NHSL1: variants seen among roughly 807,000 people sequenced by gnomAD.
NHSL1 encodes the protein NHS-like protein 1.
In NHSL1, 48 loss-of-function variants were observed where a neutral mutation model predicts 95.0. The observed-to-expected ratio is 0.51, with a 90% CI of 0.40 to 0.64. The LOEUF (loss-of-function observed/expected upper bound fraction) is 0.64, where lower values mean the gene tolerates loss of function less well. Among genes scored for constraint, NHSL1 ranks in the 30% least tolerant of loss-of-function variants. NHSL1 has a pLI of 0.00. For synonymous variants in NHSL1, 783 were observed against 833.9 expected (o/e 0.94, Z 1.05); for missense variants, 1,971 against 2,077.7 (o/e 0.95, Z 1.00).
chr6:138,564,223 T>C (rs1450746613), intron 1 of NHSL1, among the ~76,000 whole-genome samples: 1 of 152,222 alleles, frequency 6.6e-6, no homozygotes. Flanking sequence ...GGAATAAGCA[T>C]ACAGTGCTAC....
chr6:138,564,067 AT>A (rs149735280), intron 1 of NHSL1, among the ~76,000 whole-genome samples: 6 of 150,594 alleles, frequency 4.0e-5, no homozygotes, highest in South Asian at 2.1e-4. Context: ...CCCTGATCAA[AT>A]TTTTTTTTTA....
At chr6:138,691,123 G>A (rs966954593) in intron 1 of NHSL1, among the ~76,000 whole-genome samples, 2 of 152,152 alleles carry the variant, frequency 1.3e-5, no homozygotes, top group African/African-American at 4.8e-5. Context: ...CATCCTACTA[G>A]GACAGTGTAT....
At chr6:138,520,383 G>A (rs1781630005) in intron 1 of NHSL1, among the ~76,000 whole-genome samples, 2 of 148,640 alleles carry the variant, frequency 1.3e-5, no homozygotes, top group African/African-American at 2.5e-5. Flanking sequence ...CTGCCTCCCG[G>A]GTTCAAGCAA....
At position 138,424,787 on chromosome 6, in the gene NHSL1, T is replaced by C. The variant is rs1171432632; in HGVS notation, c.4115A>G (p.Asp1372Gly). 5.2e-6 allele frequency: 8 copies of C among 1,551,158 alleles called. No individual in the cohort carries two copies. Among genetic ancestry groups the C allele is most frequent in the Non-Finnish European group, 6.1e-6 (7 of 1,146,782 alleles). The change falls in exon 8 of 8, where the codon GAT (aspartate) becomes GGT (glycine). Residue 1372 changes from aspartate (D) to glycine (G), a missense_variant. Physicochemically the swap from Asp to Gly is moderately conservative, Grantham distance 94. Coordinates refer to ENST00000343505, the MANE Select transcript of NHSL1 (RefSeq NM_001144060.2). This position sits in a 1 kb window ranked among gnomAD's most constrained non-coding sequence, Gnocchi z 5.9. ...GTTTCGGGAGTGGTCATCATCTGAA[T>C]CTCTACGGCCGAGGACTTTCCTTTT... ...RSKRKVLGRR[D>G]SDDDHSRNHS...
At chr6:138,618,852 C>T (rs1232283579) in intron 1 of NHSL1, among the ~76,000 whole-genome samples, 1 of 152,152 alleles carries the variant, frequency 6.6e-6, no homozygotes, top group South Asian at 2.1e-4. Context: ...TCACATTTGG[C>T]ATTTAAAATA....
chr6:138,679,251 G>A (rs1036810945), intron 1 of NHSL1, among the ~76,000 whole-genome samples: 7 of 152,110 alleles, frequency 4.6e-5, no homozygotes, highest in Non-Finnish European at 8.8e-5. Context: ...TTTTGGTGAA[G>A]GGGAAAGGGA....
rs905182354 is a variant in NHSL1, at chr6:138,491,589, T to C, written c.211+4630A>G. On this transcript the variant is annotated intron_variant, in intron 2 of 7. Transcript: ENST00000343505. ...TGAAGGATTCAAACAATGATGGATG[T>C]AAAAAGGGTAGACTTCTTCTGGAAA... 4.6e-5 allele frequency among the ~76,000 whole-genome samples: 7 copies of C among 152,278 alleles called. No individual in the cohort carries two copies. The Middle Eastern group carries it at 0.01, about 222-fold the overall frequency.
chr6:138,569,711 T>C (rs2114418633), intron 1 of NHSL1, among the ~76,000 whole-genome samples: 1 of 152,360 alleles, frequency 6.6e-6, no homozygotes, highest in African/African-American at 2.4e-5. Flanking sequence ...AAAGATCAAC[T>C]GTTATAACAT....
intron 1 of NHSL1, among the ~76,000 whole-genome samples, chr6:138,623,463 T>C (rs1194147140): frequency 2.0e-5 from 3 of 152,226 alleles, no homozygotes; most frequent in African/African-American, 7.2e-5. Flanking sequence ...TATATGTATA[T>C]ATTATAGAAT....
At chr6:138,487,456 C>T (rs1779796713) in intron 2 of NHSL1, among the ~76,000 whole-genome samples, 1 of 152,206 alleles carries the variant, frequency 6.6e-6, no homozygotes, top group Admixed American at 6.5e-5. Flanking sequence ...CTATAATATC[C>T]AGCCCAGTGC....
chr6:138,463,557 G>A (rs1778138957), intron 3 of NHSL1, among the ~76,000 whole-genome samples: 1 of 149,748 alleles, frequency 6.7e-6, no homozygotes, highest in Admixed American at 6.7e-5. Context: ...TAAGTTCTGG[G>A]ATACATGAGC....
chr6:138,571,919 T>C (rs1783854725), exon 1 of NHSL1: 2 of 1,550,866 alleles, frequency 1.3e-6, no homozygotes, highest in Non-Finnish European at 8.7e-7. Context: ...CATCTTCTTT[T>C]CAAAATCAAC....
chr6:138,573,012 T>C (rs1366143260), upstream of NHSL1, among the ~76,000 whole-genome samples: 1 of 152,216 alleles, frequency 6.6e-6, no homozygotes, highest in Non-Finnish European at 1.5e-5. Context: ...GCAGCCATCA[T>C]TGTACCTGTT....
intron 2 of NHSL1, among the ~76,000 whole-genome samples, chr6:138,480,864 CTT>C (rs1779377335): frequency 6.6e-6 from 1 of 152,256 alleles, no homozygotes; most frequent in Non-Finnish European, 1.5e-5. Context: ...CTGAAAGCCT[CTT>C]GTTATCATTA....
At chr6:138,445,464 A>G (rs1291956246) in intron 4 of NHSL1, among the ~76,000 whole-genome samples, 3 of 152,024 alleles carry the variant, frequency 2.0e-5, no homozygotes, top group African/African-American at 7.3e-5. Flanking sequence ...ATTCAGAAAG[A>G]TCAATAACAC....
At chr6:138,690,543 C>T (rs1049277421) in intron 1 of NHSL1, among the ~76,000 whole-genome samples, 1 of 152,010 alleles carries the variant, frequency 6.6e-6, no homozygotes, top group East Asian at 1.9e-4. Context: ...GAGTTAAAGA[C>T]CAGCCTGACA....
chr6:138,552,094 T>C (rs1357855391), intron 1 of NHSL1, among the ~76,000 whole-genome samples: 1 of 152,196 alleles, frequency 6.6e-6, no homozygotes, highest in Non-Finnish European at 1.5e-5. Context: ...CCCTGAATCA[T>C]GGGAGCTCTG....
At chr6:138,520,240 TCC>T (rs1167899926) in intron 1 of NHSL1, among the ~76,000 whole-genome samples, 10 of 149,810 alleles carry the variant, frequency 6.7e-5, no homozygotes, top group Non-Finnish European at 1.3e-4. Context: ...GACACAGTTC[TCC>T]CAACACTGAG....
chr6:138,456,077 C>A (rs963565679), intron 3 of NHSL1, among the ~76,000 whole-genome samples: 14 of 152,194 alleles, frequency 9.2e-5, no homozygotes, highest in African/African-American at 3.4e-4. Context: ...AACCTCACAC[C>A]AACTCTCCAA....
Sources: gnomAD v4.1 joint callset for allele counts (sites outside exome capture counted in the v4.1 genomes callset) on GRCh38, gnomAD v4.1.1 for gene constraint, Gnocchi (gnomAD v3.1) non-coding constraint, MANE v1.5 for transcripts, NCBI Gene and HGNC (gene_info 2026-07-23, HGNC 2026-07-21) for gene names.